Variants in MROH1 observed in about 807,000 individuals in gnomAD.
The protein encoded by MROH1 is maestro heat like repeat family member 1, also known as maestro heat-like repeat-containing protein family member 1.
A neutral mutation model predicts 116.5 loss-of-function variants in MROH1; 117 were observed. That is an observed-to-expected ratio of 1.00 (90% CI 0.86 to 1.17). MROH1 has a LOEUF of 1.17. MROH1 is among the 50% of genes most tolerant of loss of function. The pLI, the probability that MROH1 is intolerant of heterozygous loss-of-function variation, is 0.00. For synonymous variants in MROH1, 921 were observed against 583.9 expected, an observed-to-expected ratio of 1.58 and a Z score of -8.32; for missense variants, 1,873 against 1,338.5, an observed-to-expected ratio of 1.40 and a Z score of -6.23.
chr8:144,191,064 T>C (rs1357949432), intron 8 of MROH1, 129 bp downstream of exon 8: 1 of 996,126 alleles, frequency 1.0e-6, no homozygotes, highest in Admixed American at 2.9e-5. Context: ...CAATGGGAGG[T>C]GGCTCACCTT....
rs1415389576 is a variant in MROH1, at chr8:144,248,963, C to T, written c.3207C>T (p.Cys1069=). The part of the protein sequence containing the change: ...FEALGDPEKN[C]SRAATVMINC... ...CCCTGGGAGACCCCGAAAAGAACTGCTCCCGAGCAGCTACCGTCATGATCA... is the reference window on the plus strand; with the variant it reads ...CCCTGGGAGACCCCGAAAAGAACTGTTCCCGAGCAGCTACCGTCATGATCA... Residue 1069 remains cysteine (C), a synonymous_variant, in exon 32 of 44, where the codon TGC becomes TGT. Coordinates refer to ENST00000326134, the MANE Select transcript of MROH1 (RefSeq NM_032450.3). 4.0e-6 allele frequency: 3 copies of T among 747,116 alleles called. No homozygotes were observed. In the African/African-American group the frequency reaches 5.2e-5, roughly 13 times the overall value. 46.3% of individuals were successfully genotyped at this position (747,116 alleles called of 1,614,324 possible). A position where few individuals can be genotyped will look rare whatever the true frequency, so the allele number is the denominator to read the frequency against.
intron 42 of MROH1, 22 bp downstream of exon 42, chr8:144,261,238 ACCCCCACGCCG>A: frequency 1.6e-6 from 1 of 639,596 alleles, no homozygotes; most frequent in Non-Finnish European, 2.9e-6. Flanking sequence ...CCCCTGCCCC[ACCCCCACGCCG>A]CCCGGCAGCC....
At chr8:144,257,464 C>T (rs1341566692) in intron 35 of MROH1, among the ~76,000 whole-genome samples, 2 of 152,320 alleles carry the variant, frequency 1.3e-5, no homozygotes, top group African/African-American at 4.8e-5. Context: ...CAGCCCCTGT[C>T]CAGCTCTCAG....
intron 12 of MROH1, among the ~76,000 whole-genome samples, chr8:144,219,375 C>T (rs1302187072): frequency 6.6e-6 from 1 of 152,082 alleles, no homozygotes; most frequent in East Asian, 1.9e-4. Flanking sequence ...CCAGGCTGGT[C>T]TTGAACTCCT....
chr8:144,195,283 C>T (rs182983387), intron 10 of MROH1, among the ~76,000 whole-genome samples: 3 of 146,644 alleles, frequency 2.0e-5, no homozygotes, highest in South Asian at 2.2e-4. Context: ...AGGCAGATCA[C>T]GAGGTCAGGA....
In MROH1 at chr8:144,216,206, G is replaced by A. The variant is rs1163949519; in HGVS notation, c.1142-4394G>A. ...AAAAAAACAAAGAGCCTGGCTCAGT[G>A]GCTCATGCCTGTAATCCCAGCACTT... On this transcript the variant is annotated intron_variant, in intron 12 of 43. Transcript: ENST00000326134. 2.0e-5 allele frequency among the ~76,000 whole-genome samples: 3 copies of A among 151,858 alleles called. No individual in the cohort carries two copies. In the East Asian group the frequency reaches 5.8e-4, roughly 30 times the overall value.
chr8:144,183,003 G>A (rs1300476015), intron 7 of MROH1, among the ~76,000 whole-genome samples: 1 of 152,164 alleles, frequency 6.6e-6, no homozygotes. Context: ...TTGAACCTCG[G>A]AGGCGGAGGC....
intron 7 of MROH1, among the ~76,000 whole-genome samples, chr8:144,184,595 TAA>T (rs1826480867): frequency 6.6e-6 from 1 of 151,948 alleles, no homozygotes; most frequent in Non-Finnish European, 1.5e-5. Flanking sequence ...CCATTTCCAT[TAA>T]AGAGTAAGGA....
rs1161577033 is a variant in MROH1, at chr8:144,188,903, A to G, written c.563-1881A>G. On this transcript the variant is annotated intron_variant, in intron 7 of 43. Coordinates refer to ENST00000326134, the MANE Select transcript of MROH1 (RefSeq NM_032450.3). ...AGCTGCCTTTTAAAGCAGATGTGGG[A>G]AGAACTGCTAGGAAATCAGAAGGGG... Among the ~76,000 whole-genome samples the G allele has an allele frequency of 5.9e-5, 9 of 152,272 alleles. No individual in the cohort carries two copies. In the East Asian group the frequency reaches 1.7e-3, roughly 29 times the overall value.
intron 15 of MROH1, 58 bp downstream of exon 15, chr8:144,238,921 C>T: frequency 1.3e-6 from 1 of 768,554 alleles, no homozygotes; most frequent in Admixed American, 1.7e-5. Context: ...GGGCAGTGGC[C>T]CAGGGTGCTC....
intron 7 of MROH1, among the ~76,000 whole-genome samples, chr8:144,184,774 A>T (rs1826530959): frequency 6.6e-6 from 1 of 152,168 alleles, no homozygotes; most frequent in Admixed American, 6.5e-5. Context: ...AGTCCAGAAG[A>T]GGTGAGAAGA....
At chr8:144,152,196 C>T (rs1323634161) in intron 1 of MROH1, among the ~76,000 whole-genome samples, 1 of 152,130 alleles carries the variant, frequency 6.6e-6, no homozygotes, top group Non-Finnish European at 1.5e-5. Flanking sequence ...TCAAGACAGC[C>T]TGCAATTTAA....
intron 12 of MROH1, chr8:144,214,030 T>C (rs1259649497): frequency 6.6e-6 from 1 of 152,220 alleles, no homozygotes; most frequent in African/African-American, 2.4e-5. Context: ...ATCCTGATGT[T>C]GGTCCTGCAG....
rs2130168348 is a variant in MROH1 at position 144,261,837 on chromosome 8, T to G, written c.*97T>G. On this transcript the variant is annotated 3_prime_UTR_variant, in exon 44 of 44. Coordinates refer to ENST00000326134, the MANE Select transcript of MROH1 (RefSeq NM_032450.3). ...GAGGACCACAGCCTGGGCACACGAC[T>G]GGAGGGGCCTGGCCCCAGAACAGGC... The G allele has an allele frequency of 3.3e-5, 23 of 698,378 alleles. No homozygotes were observed. The South Asian group carries it at 3.4e-4, about 10-fold the overall frequency. 43.3% of individuals were successfully genotyped at this position (698,378 alleles called of 1,614,324 possible).
intron 12 of MROH1, among the ~76,000 whole-genome samples, chr8:144,203,402 C>T (rs1281637971): frequency 7.0e-6 from 1 of 142,782 alleles, no homozygotes; most frequent in African/African-American, 2.6e-5. Flanking sequence ...TGTAGAGGGT[C>T]CTGGAGAGGA....
intron 7 of MROH1, among the ~76,000 whole-genome samples, chr8:144,181,312 G>GCCCGGGGATGGGGGAGGGGC (rs777734028): frequency 4.7e-5 from 2 of 42,828 alleles, no homozygotes; most frequent in African/African-American, 1.6e-4. Context: ...TGGGGGAGGG[G>GCCCGGGGATGGGGGAGGGGC]CCGGTGATGG....
At chr8:144,210,739 G>A (rs562636165) in intron 12 of MROH1, among the ~76,000 whole-genome samples, 32 of 151,936 alleles carry the variant, frequency 2.1e-4, no homozygotes, top group Non-Finnish European at 4.4e-4. Context: ...TTTATATAGA[G>A]ATAATAATGT....
At chr8:144,178,410 G>A (rs1824637709) in intron 4 of MROH1, among the ~76,000 whole-genome samples, 1 of 151,554 alleles carries the variant, frequency 6.6e-6, no homozygotes, top group Admixed American at 6.6e-5. Flanking sequence ...GAGATTACAG[G>A]CGTGAGCCAC....
rs187039489 is a variant in MROH1 at position 144,183,738 on chromosome 8, C to G, written c.562+3215C>G. ...CTCGGCTCACTGCAAGCTCTGCCTC[C>G]CAGGTTCACGCCATTCGCCTGCCTC... On this transcript the variant is annotated intron_variant, in intron 7 of 43. Transcript: ENST00000326134. Among the ~76,000 whole-genome samples the G allele has an allele frequency of 8.2e-3, 1,254 of 152,104 alleles. 14 individuals are homozygous for G. Among genetic ancestry groups the G allele is most frequent in the African/African-American group, 0.029 (1,185 of 41,486 alleles).
Sources: gnomAD v4.1 joint callset for allele counts (sites outside exome capture counted in the v4.1 genomes callset) on GRCh38, gnomAD v4.1.1 for gene constraint, MANE v1.5 for transcripts, NCBI Gene and HGNC (gene_info 2026-07-23, HGNC 2026-07-21) for gene names.